The following GMPS variants were observed in gnomAD, a reference collection of about 807,000 sequenced individuals.
GMPS encodes GMP synthase [glutamine-hydrolyzing].
In GMPS, 15 loss-of-function variants were observed where a neutral mutation model predicts 77.9. The ratio of observed to expected loss-of-function variants is 0.19; its 90% CI spans 0.13 to 0.30. GMPS has a LOEUF of 0.30. Ranked by LOEUF, GMPS falls within the 10% of genes least tolerant of loss-of-function variation. GMPS has a pLI of 1.00. For synonymous variants in GMPS, 224 were observed against 275.9 expected (o/e 0.81, Z 1.86); for missense variants, 590 against 838.8 (o/e 0.70, Z 3.66).
chr3:155,913,589 T>G (rs1254971814), intron 7 of GMPS, among the ~76,000 whole-genome samples: 1 of 150,866 alleles, frequency 6.6e-6, no homozygotes, highest in African/African-American at 2.4e-5. Context: ...TGGCACAACC[T>G]CGGCTCACTG....
rs1442594979 is a variant in GMPS at position 155,929,978 on chromosome 3, T to C, written c.1561-1787T>C. Among the ~76,000 whole-genome samples, 4 of 149,270 alleles carry C rather than the reference T, an allele frequency of 2.7e-5. No homozygotes were observed. In the East Asian group the frequency reaches 8.1e-4, roughly 30 times the overall value. ...AGATTCAGTGCCATCCCCATCAAGC[T>C]ACCAATGACTTTCTTCACAGAATTG... On this transcript the variant is annotated intron_variant, in intron 12 of 15. Coordinates refer to ENST00000496455, the MANE Select transcript of GMPS (RefSeq NM_003875.3).
intron 9 of GMPS, among the ~76,000 whole-genome samples, chr3:155,917,819 G>A (rs531695008): frequency 6.6e-6 from 1 of 152,168 alleles, no homozygotes; most frequent in African/African-American, 2.4e-5. Context: ...GTTGCAATGA[G>A]CCAAGACTGC....
chr3:155,893,343 T>TTA (rs1266768816), intron 1 of GMPS, among the ~76,000 whole-genome samples, 175 bp from the exon 2 acceptor site: 2 of 152,214 alleles, frequency 1.3e-5, no homozygotes, highest in Non-Finnish European at 1.5e-5. Context: ...TGCCCATGCA[T>TTA]GGATATATAT....
At chr3:155,919,961 C>T (rs1755277005) in intron 10 of GMPS, among the ~76,000 whole-genome samples, 2 of 152,166 alleles carry the variant, frequency 1.3e-5, no homozygotes, top group Admixed American at 6.5e-5. Flanking sequence ...GGTTCTAGCT[C>T]ACTGTAATAG....
At position 155,870,656 on chromosome 3, in the gene GMPS, C is replaced by T. The variant is rs764961588; in HGVS notation, c.-215C>T. The T allele has an allele frequency of 1.0e-5, 5 of 476,300 alleles. No homozygotes were observed. Among genetic ancestry groups the T allele is most frequent in the Non-Finnish European group, 1.5e-5 (4 of 267,234 alleles). 29.5% of individuals were successfully genotyped at this position (476,300 alleles called of 1,614,324 possible). A position where few individuals can be genotyped will look rare whatever the true frequency, so the allele number is the denominator to read the frequency against. On this transcript the variant is annotated 5_prime_UTR_variant, in exon 1 of 16. Coordinates refer to ENST00000496455, the MANE Select transcript of GMPS (RefSeq NM_003875.3). ...GGAAGCAGGAGGCGGGGGCAGCGTG[C>T]GCGCTGCTGGTCTTCTCTCCCGCGG...
chr3:155,910,847 C>T lies in GMPS; in HGVS notation c.682C>T (p.Arg228Ter), dbSNP rs749556827. ...GCAGAACAGAGAACTTGAGTGTATT[C>T]GAGAGATCAAAGAGAGAGTAGGCAC... ...TVQNRELECI[R>*]EIKERVGTSK... The change falls in exon 6 of 16, where the codon CGA (arginine) becomes TGA (stop). Residue 228 changes from arginine (R) to a stop codon, truncating the protein, a stop_gained. Coordinates refer to ENST00000496455, the MANE Select transcript of GMPS (RefSeq NM_003875.3). LOFTEE classifies it high-confidence loss of function. The T allele has an allele frequency of 1.2e-6, 2 of 1,603,542 alleles. No homozygotes were observed. The highest frequency in any genetic ancestry group is 1.7e-6 in the Non-Finnish European group (2 of 1,176,886).
Position 155,906,199 on chromosome 3 carries a change from A to G in GMPS, c.462A>G (p.Gly154=). 1 of 1,611,052 alleles carries G rather than the reference A, an allele frequency of 6.2e-7. No individual in the cohort carries two copies. ...AAGAAGTTGTTTTGCTTACACATGGAGATAGTGTAGACAAAGTAGCTGATG... is the reference window on the plus strand; with the variant it reads ...AAGAAGTTGTTTTGCTTACACATGGGGATAGTGTAGACAAAGTAGCTGATG... ...QKEEVVLLTH[G]DSVDKVADGF... Residue 154 remains glycine (G), a synonymous_variant, in exon 5 of 16, where the codon GGA becomes GGG. Coordinates refer to ENST00000496455, the MANE Select transcript of GMPS (RefSeq NM_003875.3).
At chr3:155,931,681 TTTAA>T in intron 12 of GMPS, 80 bp from the exon 13 acceptor site, 16 of 554,378 alleles carry the variant, frequency 2.9e-5, no homozygotes, top group South Asian at 1.2e-4. Flanking sequence ...TTCTTTTTTT[TTTAA>T]AAAAAAAAAA....
rs1199515787 is a variant in GMPS at position 155,889,189 on chromosome 3, T to C, written c.28-4329T>C. ...TCTTCTGTTAAAAAATTATGGCACT[T>C]GTTTCCTAAGAATTCCTGGCTCTGT... On this transcript the variant is annotated intron_variant, in intron 1 of 15. Coordinates refer to ENST00000496455, the MANE Select transcript of GMPS (RefSeq NM_003875.3). Among the ~76,000 whole-genome samples the C allele has an allele frequency of 2.6e-5, 4 of 152,198 alleles. No homozygotes were observed. The East Asian group carries it at 5.8e-4, about 22-fold the overall frequency.
At chr3:155,870,157 T>A (rs535827219), upstream of GMPS, among the ~76,000 whole-genome samples, 3 of 152,238 alleles carry the variant, frequency 2.0e-5, no homozygotes, top group African/African-American at 7.2e-5. Context: ...CCTTGAGATA[T>A]GGCCACGGAA....
chr3:155,935,661 G>C (rs1252372425), intron 14 of GMPS, among the ~76,000 whole-genome samples: 1 of 152,198 alleles, frequency 6.6e-6, no homozygotes, highest in African/African-American at 2.4e-5. Flanking sequence ...ATGTGAACAA[G>C]TCTTTTTCAT....
chr3:155,885,944 C>T lies in GMPS; in HGVS notation c.28-7574C>T, dbSNP rs529261456. 4.9e-4 allele frequency among the ~76,000 whole-genome samples: 75 copies of T among 152,236 alleles called. 1 individual carries two copies. Among genetic ancestry groups the T allele is most frequent in the Admixed American group, 1.2e-3 (19 of 15,278 alleles). ...CAAGTGATTCTAGTGCCTCAGCCTC[C>T]GGTGTAGCTGGGATTACAGACATGT... On this transcript the variant is annotated intron_variant, in intron 1 of 15. Coordinates refer to ENST00000496455, the MANE Select transcript of GMPS (RefSeq NM_003875.3).
At position 155,870,708 on chromosome 3, in the gene GMPS, T is replaced by G; in HGVS notation, c.-163T>G. 1.8e-6 allele frequency: 1 copy of G among 551,500 alleles called. No individual in the cohort carries two copies. The highest frequency in any genetic ancestry group is 3.2e-6 in the Non-Finnish European group (1 of 309,778). 34.2% of individuals were successfully genotyped at this position (551,500 alleles called of 1,614,324 possible). A position where few individuals can be genotyped will look rare whatever the true frequency, so the allele number is the denominator to read the frequency against. ...GCTGGGGCCCGCGCTCCGCTGCTGT[T>G]GCTCCATTCGGCGCTTTTCTGGCGG... On this transcript the variant is annotated 5_prime_UTR_variant, in exon 1 of 16. Transcript: ENST00000496455.
intron 7 of GMPS, among the ~76,000 whole-genome samples, chr3:155,911,547 C>T (rs780892274): frequency 4.0e-4 from 61 of 152,000 alleles, no homozygotes; most frequent in Non-Finnish European, 6.8e-4. Flanking sequence ...TTAAAATTAT[C>T]TTTTCCTGGC....
Position 155,893,549 on chromosome 3 carries a change from G to A in GMPS, c.59G>A (p.Gly20Asp). 6.2e-7 allele frequency: 1 copy of A among 1,611,750 alleles called. No individual in the cohort carries two copies. Among genetic ancestry groups the A allele is most frequent in the South Asian group, 1.1e-5 (1 of 90,888 alleles). Reference protein sequence around the residue: ...LENAGGDLKDGHHHYEGAVVI... With the variant: ...LENAGGDLKDDHHHYEGAVVI... ...AATGCTGGAGGAGACCTTAAGGATGGCCACCACCACTATGAAGGAGCTGTT... is the reference window on the plus strand; with the variant it reads ...AATGCTGGAGGAGACCTTAAGGATGACCACCACCACTATGAAGGAGCTGTT... The change falls in exon 2 of 16, where the codon GGC (glycine) becomes GAC (aspartate). Residue 20 changes from glycine (G) to aspartate (D), a missense_variant. Transcript: ENST00000496455.
At chr3:155,914,916 G>T (rs1430961422) in intron 8 of GMPS, among the ~76,000 whole-genome samples, 1 of 151,856 alleles carries the variant, frequency 6.6e-6, no homozygotes, top group Non-Finnish European at 1.5e-5. Flanking sequence ...CTACAGGGGT[G>T]CACCATCATG....
chr3:155,883,952 A>T (rs1418745097), intron 1 of GMPS, among the ~76,000 whole-genome samples: 1 of 152,096 alleles, frequency 6.6e-6, no homozygotes, highest in Non-Finnish European at 1.5e-5. Context: ...ATTCGGGCTG[A>T]TTGATACTGG....
intron 1 of GMPS, among the ~76,000 whole-genome samples, chr3:155,879,265 CTTTTTTT>C (rs370727242): frequency 0.028 from 3,439 of 122,604 alleles, 167 homozygotes; most frequent in African/African-American, 0.097. Context: ...CTGCACTTGT[CTTTTTTT>C]TTTTTTTTTT....
chr3:155,935,167 T>C (rs1208424667), intron 14 of GMPS, 121 bp downstream of exon 14: 2 of 742,170 alleles, frequency 2.7e-6, no homozygotes, highest in Middle Eastern at 2.4e-4. Context: ...TTTAAATCTT[T>C]GAATGTTCTA....
Sources: allele counts gnomAD v4.1 joint callset (sites outside exome capture counted in the v4.1 genomes callset), GRCh38; gene constraint gnomAD v4.1.1; transcripts MANE v1.5; gene names NCBI Gene and HGNC (gene_info 2026-07-23, HGNC 2026-07-21).